Variants in ATPAF2 observed in about 807,000 individuals in gnomAD.
The protein encoded by ATPAF2 is ATP synthase mitochondrial F1 complex assembly factor 2.
ATPAF2 carries 30 observed loss-of-function variants against 36.6 expected under a neutral mutation model. That is an observed-to-expected ratio of 0.82 (90% CI 0.61 to 1.11). The LOEUF is 1.11. Among genes scored for constraint, ATPAF2 ranks in the 50% most tolerant of loss-of-function variants. The probability of loss-of-function intolerance (pLI) is 0.00; values close to 1 mark genes in which losing one functional copy is unlikely to be tolerated. For missense variants in ATPAF2, 321 were observed against 372.3 expected, an observed-to-expected ratio of 0.86 and a Z score of 1.13; for synonymous variants, 140 against 152.6, an observed-to-expected ratio of 0.92 and a Z score of 0.61.
intron 1 of ATPAF2, among the ~76,000 whole-genome samples, chr17:18,033,041 G>A (rs565162615): frequency 1.4e-4 from 22 of 151,930 alleles, no homozygotes; most frequent in African/African-American, 5.3e-4. Flanking sequence ...GACAGCAAAG[G>A]GAGCCAAGTA....
At chr17:18,031,134 G>C (rs1170364968) in intron 1 of ATPAF2, among the ~76,000 whole-genome samples, 3 of 148,562 alleles carry the variant, frequency 2.0e-5, no homozygotes, top group Non-Finnish European at 4.5e-5. Context: ...CACCACGCCT[G>C]GCTAATTTTT....
intron 7 of ATPAF2, chr17:18,020,871 G>T: frequency 1.3e-6 from 1 of 798,318 alleles, no homozygotes; most frequent in Non-Finnish European, 1.8e-6. Flanking sequence ...ATGTTGCCCA[G>T]GCTGGTCTCA....
At chr17:18,021,682 AGGCT>A in intron 6 of ATPAF2, 59 bp downstream of exon 6, 1 of 1,413,972 alleles carries the variant, frequency 7.1e-7, no homozygotes, top group Non-Finnish European at 1.0e-6. Flanking sequence ...GGGCAAGTAC[AGGCT>A]TCAGACACTG....
intron 5 of ATPAF2, among the ~76,000 whole-genome samples, chr17:18,023,702 C>T (rs1222747828): frequency 6.6e-6 from 1 of 152,190 alleles, no homozygotes; most frequent in Non-Finnish European, 1.5e-5. Context: ...CCCAAGGACA[C>T]CTGCCACATT....
intron 5 of ATPAF2, among the ~76,000 whole-genome samples, chr17:18,022,719 A>G (rs971906992): frequency 1.3e-5 from 2 of 151,126 alleles, no homozygotes. Context: ...GGCTGAGAAG[A>G]TACATTTTCA....
Position 18,028,291 on chromosome 17 carries a change from C to A in ATPAF2, c.265G>T (p.Ala89Ser), listed in dbSNP as rs1276240999. 1 of 1,614,090 alleles carries A rather than the reference C, an allele frequency of 6.2e-7. No individual in the cohort carries two copies. Among genetic ancestry groups the A allele is most frequent in the African/African-American group, 1.3e-5 (1 of 74,932 alleles). Residue 89 changes from alanine (A) to serine (S), a missense_variant, in exon 3 of 8, where the codon GCA becomes TCA. Physicochemically the swap from Ala to Ser is moderately conservative, Grantham distance 99. Around this residue, in one of 3 missense-constraint regions of ATPAF2, gnomAD observed 53 missense variants for 91.6 expected, o/e 0.58. Coordinates refer to ENST00000474627, the MANE Select transcript of ATPAF2 (RefSeq NM_145691.4). ...FTVPSEALAIAVATEWDSQQD... is the reference protein window; with the variant it reads ...FTVPSEALAISVATEWDSQQD... ...TGGGAATCCCACTCAGTAGCCACTG[C>A]AATGGCCAGGGCCTCGCTGGGGACG...
intron 1 of ATPAF2, among the ~76,000 whole-genome samples, chr17:18,037,079 ATAAATAAATACG>A (rs1424308551): frequency 6.6e-6 from 1 of 152,186 alleles, no homozygotes; most frequent in Non-Finnish European, 1.5e-5. Flanking sequence ...CTCAAAATAA[ATAAATAAATACG>A]TAAATAAATA....
intron 7 of ATPAF2, among the ~76,000 whole-genome samples, chr17:18,019,146 A>ACCACACACAC (rs2044428890): frequency 2.8e-5 from 1 of 35,888 alleles, no homozygotes; most frequent in Admixed American, 3.5e-4. Context: ...TCTCAAAAAC[A>ACCACACACAC]CCACACACAC....
intron 4 of ATPAF2, chr17:18,026,077 C>T: frequency 1.7e-6 from 1 of 593,592 alleles, no homozygotes; most frequent in East Asian, 2.9e-5. Context: ...CATAACCACC[C>T]TCCCAGCCTA....
intron 4 of ATPAF2, chr17:18,025,096 C>G (rs760394393): frequency 8.7e-6 from 3 of 343,334 alleles, no homozygotes; most frequent in African/African-American, 2.1e-5. Context: ...AATCTACTAA[C>G]TGCAACCCTG....
At chr17:18,031,197 G>C (rs562758396) in intron 1 of ATPAF2, among the ~76,000 whole-genome samples, 1 of 150,134 alleles carries the variant, frequency 6.7e-6, no homozygotes, top group South Asian at 2.1e-4. Context: ...GGATGGTCTC[G>C]ATCTCCTGAC....
In ATPAF2 at chr17:18,037,273, G is replaced by T. The variant is rs577416567; in HGVS notation, c.133+1608C>A. Among the ~76,000 whole-genome samples, 59 of 151,694 alleles carry T rather than the reference G, an allele frequency of 3.9e-4. 1 individual carries two copies. In the South Asian group the frequency reaches 0.012, roughly 32 times the overall value. On this transcript the variant is annotated intron_variant, in intron 1 of 7. Coordinates refer to ENST00000474627, the MANE Select transcript of ATPAF2 (RefSeq NM_145691.4). ...AAACTTCAGCTCCCTGCTGCATCCA[G>T]CCCCCTTCCCCATTTCTATAAAGTT...
At chr17:18,018,917 C>A (rs750192438) in intron 7 of ATPAF2, among the ~76,000 whole-genome samples, 34 of 152,280 alleles carry the variant, frequency 2.2e-4, no homozygotes, top group Non-Finnish European at 4.3e-4. Flanking sequence ...AGGAAGACTG[C>A]TTGAATCCAG....
chr17:18,030,824 G>C, intron 1 of ATPAF2, among the ~76,000 whole-genome samples: 1 of 126,036 alleles, frequency 7.9e-6, no homozygotes, highest in Non-Finnish European at 1.6e-5. Flanking sequence ...CCGCCACCAC[G>C]CCTGGCTTTT....
Position 18,038,813 on chromosome 17 carries a change from C to G in ATPAF2, c.133+68G>C, listed in dbSNP as rs1264759957. 6.7e-5 allele frequency: 107 copies of G among 1,600,550 alleles called. 1 individual carries two copies. In the Admixed American group the frequency reaches 1.8e-3, roughly 27 times the overall value. ...CCTGCCTCAGTTACTTCGCTTTGCA[C>G]AGCCGAAGCCCGAAGCCCACCTTAC... On this transcript the variant is annotated intron_variant, in intron 1 of 7. Transcript: ENST00000474627.
In ATPAF2 at chr17:18,028,331, T is replaced by C. The variant is rs762797730; in HGVS notation, c.225A>G (p.Gln75=). ...NLDHRKLKTP[Q]AKLFTVPSEA... is the part of the protein sequence containing the mutation. ...CGCTGGGGACGGTAAAGAGCTTGGC[T>C]TGGGGAGTTTTCAGCTTCCTGTGGT... is the stretch of plus-strand genomic sequence containing the variant. The change falls in exon 3 of 8, where the codon CAA becomes CAG. Residue 75 remains glutamine (Q), a synonymous_variant. Coordinates refer to ENST00000474627, the MANE Select transcript of ATPAF2 (RefSeq NM_145691.4). 8.1e-6 allele frequency: 13 copies of C among 1,614,168 alleles called. No homozygotes were observed. Among genetic ancestry groups the C allele is most frequent in the South Asian group, 1.1e-5 (1 of 91,084 alleles).
chr17:18,026,368 C>T lies in ATPAF2; in HGVS notation c.373G>A (p.Asp125Asn), dbSNP rs1278188307. 2 of 1,614,104 alleles carry T rather than the reference C, an allele frequency of 1.2e-6. No individual in the cohort carries two copies. The highest frequency in any genetic ancestry group is 2.7e-5 in the African/African-American group (2 of 74,936). Residue 125 changes from aspartate to asparagine, a missense_variant, in exon 4 of 8, where the codon GAT becomes AAT. Asp to Asn is a conservative substitution (Grantham distance 23, BLOSUM62 1). Around this residue, in one of 3 missense-constraint regions of ATPAF2, gnomAD observed 199 missense variants for 220.6 expected, o/e 0.90. Coordinates refer to ENST00000474627, the MANE Select transcript of ATPAF2 (RefSeq NM_145691.4). ...TTCACGGCTGCCCGGATCAGCTGAT[C>T]CTTGTTTCTCTGGGTTGGGTTGTCC... ...SLDNPTQRNK[D>N]QLIRAAVKFL...
At chr17:18,018,757 T>C (rs980843082) in intron 7 of ATPAF2, 71 bp from the exon 8 acceptor site, 2 of 1,609,434 alleles carry the variant, frequency 1.2e-6, no homozygotes, top group African/African-American at 1.3e-5. Flanking sequence ...AAAGCCACGT[T>C]CCATTCCAAT....
intron 5 of ATPAF2, among the ~76,000 whole-genome samples, 194 bp from the exon 6 acceptor site, chr17:18,022,051 T>C (rs781035399): frequency 5.3e-5 from 8 of 152,122 alleles, no homozygotes; most frequent in Non-Finnish European, 8.8e-5. Flanking sequence ...AAAAGCAAAC[T>C]TGGAGGACCA....
Sources: allele counts gnomAD v4.1 joint callset (sites outside exome capture counted in the v4.1 genomes callset), GRCh38; gene constraint gnomAD v4.1.1; regional missense constraint gnomAD v4.1.1; transcripts MANE v1.5; gene names NCBI Gene and HGNC (gene_info 2026-07-23, HGNC 2026-07-21).